The following FBXL7 variants were observed in gnomAD, a reference collection of about 807,000 sequenced individuals.
FBXL7 encodes the protein F-box and leucine rich repeat protein 7.
In FBXL7, 12 loss-of-function variants were observed where a neutral mutation model predicts 38.3. The ratio of observed to expected loss-of-function variants is 0.31; its 90% CI spans 0.20 to 0.51. FBXL7 has a LOEUF of 0.51. Ranked by LOEUF, FBXL7 falls within the 20% of genes least tolerant of loss-of-function variation. The pLI is 0.98. For missense variants in FBXL7, 567 were observed against 676.4 expected, an observed-to-expected ratio of 0.84 and a Z score of 1.79; for synonymous variants, 297 against 300.9, an observed-to-expected ratio of 0.99 and a Z score of 0.13.
At chr5:15,523,665 G>T (rs1580350944) in intron 1 of FBXL7, among the ~76,000 whole-genome samples, 1 of 152,260 alleles carries the variant, frequency 6.6e-6, no homozygotes, top group Non-Finnish European at 1.5e-5. Flanking sequence ...TGTCTTCTTG[G>T]CCTGTTACCG....
chr5:15,895,371 C>G (rs1420826751), intron 2 of FBXL7, among the ~76,000 whole-genome samples: 1 of 151,856 alleles, frequency 6.6e-6, no homozygotes, highest in African/African-American at 2.4e-5. Context: ...ATTTTGAAGG[C>G]AAGGAAACCA....
chr5:15,659,217 C>T (rs1290318097), intron 2 of FBXL7, among the ~76,000 whole-genome samples: 1 of 151,118 alleles, frequency 6.6e-6, no homozygotes, highest in South Asian at 2.1e-4. Context: ...ATCCAAATAA[C>T]AAACAGTGAA....
chr5:15,798,092 A>G (rs1436206418), intron 2 of FBXL7, among the ~76,000 whole-genome samples: 1 of 152,216 alleles, frequency 6.6e-6, no homozygotes, highest in African/African-American at 2.4e-5. Flanking sequence ...TCATATTAAG[A>G]GCATTGGTGC....
chr5:15,573,487 G>T (rs1478562738), intron 1 of FBXL7, among the ~76,000 whole-genome samples: 1 of 152,286 alleles, frequency 6.6e-6, no homozygotes, highest in Non-Finnish European at 1.5e-5. Flanking sequence ...AATAAAAGAA[G>T]GGGGAAGCTA....
chr5:15,763,841 G>A (rs1281934198), intron 2 of FBXL7, among the ~76,000 whole-genome samples: 1 of 152,188 alleles, frequency 6.6e-6, no homozygotes, highest in Non-Finnish European at 1.5e-5. Flanking sequence ...TATGGGAATA[G>A]GCTCCTGCAA....
chr5:15,741,652 G>C (rs368396568), intron 2 of FBXL7, among the ~76,000 whole-genome samples: 17 of 152,130 alleles, frequency 1.1e-4, no homozygotes, highest in African/African-American at 4.1e-4. Context: ...TGTGTTCTCA[G>C]AGGCCACTTG....
At chr5:15,915,836 G>T (rs62348086) in intron 2 of FBXL7, among the ~76,000 whole-genome samples, 73 of 152,298 alleles carry the variant, frequency 4.8e-4, no homozygotes, top group Non-Finnish European at 7.6e-4. Flanking sequence ...GTTGAAAGGA[G>T]ATGAGAGATG....
intron 2 of FBXL7, among the ~76,000 whole-genome samples, chr5:15,841,337 GT>G: frequency 6.6e-6 from 1 of 152,070 alleles, no homozygotes; most frequent in South Asian, 2.1e-4. Context: ...ATAAATCTCA[GT>G]TTTAAAATGT....
chr5:15,746,402 TGG>T (rs886927463), intron 2 of FBXL7, among the ~76,000 whole-genome samples: 3 of 152,096 alleles, frequency 2.0e-5, no homozygotes, highest in African/African-American at 7.2e-5. Context: ...ATAGACTGGG[TGG>T]GTTATACACT....
intron 2 of FBXL7, among the ~76,000 whole-genome samples, chr5:15,825,247 A>T (rs1264699574): frequency 2.0e-5 from 3 of 152,178 alleles, no homozygotes; most frequent in Non-Finnish European, 4.4e-5. Context: ...AAGTAAATGT[A>T]TTAATAGAAC....
chr5:15,517,289 C>G (rs1736970039), intron 1 of FBXL7, among the ~76,000 whole-genome samples: 1 of 152,246 alleles, frequency 6.6e-6, no homozygotes, highest in African/African-American at 2.4e-5. Flanking sequence ...TTGTTTTTGA[C>G]TTAAGGGGCC....
At chr5:15,601,953 T>C (rs1739808656) in intron 1 of FBXL7, among the ~76,000 whole-genome samples, 2 of 152,096 alleles carry the variant, frequency 1.3e-5, no homozygotes, top group Admixed American at 6.6e-5. Context: ...GGGTGACCCT[T>C]GATCTAATAT....
intron 2 of FBXL7, among the ~76,000 whole-genome samples, chr5:15,853,059 T>C (rs1365046673): frequency 6.6e-6 from 1 of 152,222 alleles, no homozygotes; most frequent in East Asian, 1.9e-4. Flanking sequence ...TTTTTATGTC[T>C]AGTTTACAAA....
intron 2 of FBXL7, among the ~76,000 whole-genome samples, chr5:15,796,320 C>T (rs1468670294): frequency 6.6e-6 from 1 of 152,216 alleles, no homozygotes; most frequent in Non-Finnish European, 1.5e-5. Flanking sequence ...TCTGTCCTTT[C>T]CCTACTTTTA....
intron 1 of FBXL7, among the ~76,000 whole-genome samples, chr5:15,538,936 A>T (rs1737661588): frequency 6.6e-6 from 1 of 152,228 alleles, no homozygotes. Context: ...GAAATAATGT[A>T]GATGGAGGAG....
intron 2 of FBXL7, among the ~76,000 whole-genome samples, chr5:15,735,898 T>G: frequency 6.6e-6 from 1 of 152,354 alleles, no homozygotes; most frequent in South Asian, 2.1e-4. Context: ...GATTAAAGGC[T>G]GTTGGGTTTA....
intron 2 of FBXL7, among the ~76,000 whole-genome samples, chr5:15,651,488 T>C (rs1741708563): frequency 6.6e-6 from 1 of 152,200 alleles, no homozygotes; most frequent in African/African-American, 2.4e-5. Flanking sequence ...GAAACAACAT[T>C]AATCTACTTG....
intron 2 of FBXL7, among the ~76,000 whole-genome samples, chr5:15,884,814 G>C (rs1271908449): frequency 6.6e-6 from 1 of 152,164 alleles, no homozygotes; most frequent in East Asian, 1.9e-4. Context: ...AAAGCGGTGG[G>C]ATAAGAAGTA....
chr5:15,845,508 G>A (rs1738869199), intron 2 of FBXL7, among the ~76,000 whole-genome samples: 1 of 151,852 alleles, frequency 6.6e-6, no homozygotes, highest in Admixed American at 6.6e-5. Context: ...ATAATTGGAA[G>A]GAGCTCATAT....
Sources: gnomAD v4.1 joint callset for allele counts (sites outside exome capture counted in the v4.1 genomes callset) on GRCh38, gnomAD v4.1.1 for gene constraint, MANE v1.5 for transcripts, NCBI Gene and HGNC (gene_info 2026-07-23, HGNC 2026-07-21) for gene names.